Variants in CDKAL1 observed in about 807,000 individuals in gnomAD.
CDKAL1 encodes threonylcarbamoyladenosine tRNA methylthiotransferase.
CDKAL1 carries 32 observed loss-of-function variants against 68.2 expected under a neutral mutation model. The ratio of observed to expected loss-of-function variants is 0.47; its 90% CI spans 0.35 to 0.63. The LOEUF (loss-of-function observed/expected upper bound fraction) is 0.63. CDKAL1 is among the 30% of genes least tolerant of loss of function. The pLI is 0.00. For missense variants in CDKAL1, 606 were observed against 696.7 expected, an observed-to-expected ratio of 0.87 and a Z score of 1.47; for synonymous variants, 234 against 244.3, an observed-to-expected ratio of 0.96 and a Z score of 0.39.
intron 5 of CDKAL1, among the ~76,000 whole-genome samples, chr6:20,688,654 T>C (rs559182215): frequency 1.5e-4 from 23 of 152,240 alleles, no homozygotes; most frequent in Non-Finnish European, 2.8e-4. Context: ...TTTTCTTACA[T>C]GCTGTCCATT....
intron 5 of CDKAL1, among the ~76,000 whole-genome samples, chr6:20,667,832 A>G (rs1383226747): frequency 1.3e-5 from 2 of 152,146 alleles, no homozygotes; most frequent in Non-Finnish European, 2.9e-5. Flanking sequence ...TTGTATACTC[A>G]TTACCTAGAT....
chr6:20,863,668 G>A (rs1005277165), intron 9 of CDKAL1, among the ~76,000 whole-genome samples: 7 of 152,138 alleles, frequency 4.6e-5, no homozygotes, highest in Non-Finnish European at 1.0e-4. Flanking sequence ...ACAGATGTGA[G>A]GTAATTTAAG....
intron 6 of CDKAL1, among the ~76,000 whole-genome samples, chr6:20,754,922 T>C (rs1774103128): frequency 6.6e-6 from 1 of 152,352 alleles, no homozygotes; most frequent in African/African-American, 2.4e-5. Flanking sequence ...TCTAAGACTT[T>C]TATAGTTTTA....
At chr6:20,933,927 T>A (rs189777851) in intron 9 of CDKAL1, among the ~76,000 whole-genome samples, 1 of 151,732 alleles carries the variant, frequency 6.6e-6, no homozygotes, top group East Asian at 1.9e-4. Flanking sequence ...GTTTAATCTT[T>A]TTTTTTTTTT....
intron 13 of CDKAL1, among the ~76,000 whole-genome samples, chr6:21,142,338 C>T (rs1002636120): frequency 6.6e-6 from 1 of 151,080 alleles, no homozygotes; most frequent in African/African-American, 2.4e-5. Context: ...AAAATCTGCT[C>T]ATCTGGATCA....
intron 10 of CDKAL1, among the ~76,000 whole-genome samples, chr6:20,985,239 C>G (rs891820865): frequency 6.6e-6 from 1 of 152,134 alleles, no homozygotes; most frequent in Admixed American, 6.5e-5. Flanking sequence ...TGTGGACATT[C>G]AAAAGCCTCT....
rs73735037 is a variant in CDKAL1 at position 20,963,586 on chromosome 6, G to T, written c.909+8001G>T. Among the ~76,000 whole-genome samples the T allele has an allele frequency of 1.6e-3, 250 of 152,252 alleles. 1 individual carries two copies. Among genetic ancestry groups the T allele is most frequent in the African/African-American group, 5.8e-3 (243 of 41,542 alleles). On this transcript the variant is annotated intron_variant, in intron 10 of 15. Transcript: ENST00000274695. ...CCCAAAATAAATGAACTTATAAATAGACTTTATTTCAGAACAGATTGCACT... is the reference window on the plus strand; with the variant it reads ...CCCAAAATAAATGAACTTATAAATATACTTTATTTCAGAACAGATTGCACT...
intron 11 of CDKAL1, among the ~76,000 whole-genome samples, chr6:21,034,088 G>T (rs1582068383): frequency 6.6e-6 from 1 of 152,108 alleles, no homozygotes; most frequent in Non-Finnish European, 1.5e-5. Context: ...GATAAGTTGG[G>T]TTGATTTGTT....
At position 20,993,071 on chromosome 6, in the gene CDKAL1, T is replaced by G. The variant is rs11967584; in HGVS notation, c.910-7156T>G. The stretch of plus-strand genomic sequence containing the variant: ...TAGAGTTAGGAAGTAGACTAGTGGT[T>G]GTTTTAGAGCTAGGAGAAGGGTTCA... On this transcript the variant is annotated intron_variant, in intron 10 of 15. Transcript: ENST00000274695. 3.3e-5 allele frequency among the ~76,000 whole-genome samples: 5 copies of G among 152,024 alleles called. No individual in the cohort carries two copies. The South Asian group carries it at 6.2e-4, about 19-fold the overall frequency.
At chr6:20,808,465 G>C (rs186367276) in intron 8 of CDKAL1, among the ~76,000 whole-genome samples, 12 of 152,176 alleles carry the variant, frequency 7.9e-5, no homozygotes, top group Admixed American at 7.9e-4. Flanking sequence ...TAGTTGATTG[G>C]ATGTGCAAAG....
In CDKAL1 at chr6:20,562,804, G is replaced by A. The variant is rs551574282; in HGVS notation, c.286+14099G>A. ...AATCTTTCCCGGCAAATCATACTTA[G>A]AGACAGCTAAGTTTATCAATTCTCA... On this transcript the variant is annotated intron_variant, in intron 4 of 15. Coordinates refer to ENST00000274695, the MANE Select transcript of CDKAL1 (RefSeq NM_017774.3). Among the ~76,000 whole-genome samples, 3 of 152,038 alleles carry A rather than the reference G, an allele frequency of 2.0e-5. No individual in the cohort carries two copies. The South Asian group carries it at 6.2e-4, about 32-fold the overall frequency.
At chr6:21,021,485 CA>C (rs148939947) in intron 11 of CDKAL1, among the ~76,000 whole-genome samples, 3,355 of 151,762 alleles carry the variant, frequency 0.022, 117 homozygotes, top group African/African-American at 0.076. Flanking sequence ...AAAATGCACA[CA>C]AAAATATGAA....
rs553026468 is a variant in CDKAL1, at chr6:20,596,354, C to T, written c.286+47649C>T. Among the ~76,000 whole-genome samples, 6 of 152,300 alleles carry T rather than the reference C, an allele frequency of 3.9e-5. No homozygotes were observed. The East Asian group carries it at 1.2e-3, about 29-fold the overall frequency. ...GGCTGTTGACTTTCTTTCAGAGATGCCCTCCCCAGCGAGGAGGAATCTAGA... is the reference window on the plus strand; with the variant it reads ...GGCTGTTGACTTTCTTTCAGAGATGTCCTCCCCAGCGAGGAGGAATCTAGA... On this transcript the variant is annotated intron_variant, in intron 4 of 15. Transcript: ENST00000274695.
Position 20,981,832 on chromosome 6 carries a change from CTG to C in CDKAL1, c.910-18393_910-18392del, listed in dbSNP as rs1766167079. Among the ~76,000 whole-genome samples the C allele has an allele frequency of 2.0e-5, 3 of 152,282 alleles. No individual in the cohort carries two copies. The South Asian group carries it at 6.2e-4, about 32-fold the overall frequency. ...CTCCAGCCTGGGCAACACTGCGAGT[CTG>C]TCTCAAAAAAGGAAAAGAAAATTGT... On this transcript the variant is annotated intron_variant, in intron 10 of 15. Coordinates refer to ENST00000274695, the MANE Select transcript of CDKAL1 (RefSeq NM_017774.3).
At chr6:20,600,771 C>CATATATATATATATACACATATAT (rs1554161081) in intron 4 of CDKAL1, among the ~76,000 whole-genome samples, 2 of 124,174 alleles carry the variant, frequency 1.6e-5, no homozygotes, top group African/African-American at 5.8e-5. Context: ...TATATGTATA[C>CATATATATATATATACACATATAT]ATATATATAT....
intron 5 of CDKAL1, among the ~76,000 whole-genome samples, chr6:20,717,450 C>CA (rs1176991678): frequency 6.6e-6 from 1 of 151,428 alleles, no homozygotes; most frequent in African/African-American, 2.4e-5. Flanking sequence ...GGAGTGAGGA[C>CA]AGCTGATCTA....
intron 11 of CDKAL1, among the ~76,000 whole-genome samples, chr6:21,015,549 G>A (rs1055636744): frequency 4.0e-5 from 6 of 151,662 alleles, no homozygotes; most frequent in South Asian, 2.1e-4. Flanking sequence ...AAATTATTTC[G>A]TTGTCCAGTT....
intron 8 of CDKAL1, among the ~76,000 whole-genome samples, chr6:20,824,694 G>C (rs1777427610): frequency 6.6e-6 from 1 of 152,164 alleles, no homozygotes; most frequent in African/African-American, 2.4e-5. Context: ...AGTGACATCT[G>C]TCACTTTTAC....
At chr6:21,158,868 C>CT (rs1187537067) in intron 13 of CDKAL1, among the ~76,000 whole-genome samples, 1 of 152,072 alleles carries the variant, frequency 6.6e-6, no homozygotes, top group South Asian at 2.1e-4. Context: ...AACTTCTAAC[C>CT]TTTTTTTCAG....
Sources: gnomAD v4.1 joint callset for allele counts (sites outside exome capture counted in the v4.1 genomes callset) on GRCh38, gnomAD v4.1.1 for gene constraint, MANE v1.5 for transcripts, NCBI Gene and HGNC (gene_info 2026-07-23, HGNC 2026-07-21) for gene names.